PCNX4: variants seen among roughly 807,000 people sequenced by gnomAD.
PCNX4 encodes the protein pecanex 4.
A neutral mutation model predicts 107.2 loss-of-function variants in PCNX4; 103 were observed. The observed-to-expected ratio is 0.96, with a 90% CI of 0.82 to 1.13. PCNX4 has a LOEUF of 1.13. Among genes scored for constraint, PCNX4 ranks in the 50% most tolerant of loss-of-function variants. The pLI is 0.00. For missense variants in PCNX4, 1,528 were observed against 1,379.4 expected, an observed-to-expected ratio of 1.11 and a Z score of -1.71; for synonymous variants, 541 against 481.7, an observed-to-expected ratio of 1.12 and a Z score of -1.61.
At chr14:60,100,935 C>T (rs1448744952) in intron 1 of PCNX4, among the ~76,000 whole-genome samples, 1 of 152,092 alleles carries the variant, frequency 6.6e-6, no homozygotes, top group East Asian at 1.9e-4. Flanking sequence ...TTTCCAGATC[C>T]AAGAGATAAT....
At chr14:60,102,353 T>G (rs1004777788) in intron 1 of PCNX4, among the ~76,000 whole-genome samples, 1 of 152,172 alleles carries the variant, frequency 6.6e-6, no homozygotes, top group African/African-American at 2.4e-5. Context: ...CATCTCAAAA[T>G]TTTTTTGTTG....
At position 60,138,781 on chromosome 14, in the gene PCNX4, G is replaced by A. The variant is rs1399717603; in HGVS notation, c.*4560G>A. 2 of 152,068 alleles carry A rather than the reference G, an allele frequency of 1.3e-5. No individual in the cohort carries two copies. The highest frequency in any genetic ancestry group is 2.4e-5 in the African/African-American group (1 of 41,424). 9.4% of individuals were successfully genotyped at this position (152,068 alleles called of 1,614,324 possible). A position where few individuals can be genotyped will look rare whatever the true frequency, so the allele number is the denominator to read the frequency against. ...AAAGGTTAGAGATAAAGGTAGGAAT[G>A]AACAGTAATTTAAAAATATATATAT... On this transcript the variant is annotated 3_prime_UTR_variant, in exon 11 of 11. Coordinates refer to ENST00000406854, the MANE Select transcript of PCNX4 (RefSeq NM_001330177.2).
At chr14:60,101,707 A>G (rs1274115033) in intron 1 of PCNX4, among the ~76,000 whole-genome samples, 1 of 149,190 alleles carries the variant, frequency 6.7e-6, no homozygotes, top group Non-Finnish European at 1.5e-5. Context: ...TAAAAAAAAT[A>G]ATTAAAAAAA....
chr14:60,140,618 A>ACACACC lies in PCNX4; in HGVS notation c.*6398_*6399insACACCC, dbSNP rs1595185012. 2 of 151,390 alleles carry ACACACC rather than the reference A, an allele frequency of 1.3e-5. No individual in the cohort carries two copies. Among genetic ancestry groups the ACACACC allele is most frequent in the South Asian group, 2.1e-4 (1 of 4,786 alleles). The allele number at this position is 151,390 out of a possible 1,614,324, so 9.4% of individuals were successfully genotyped here. ...TACACACATACACACACACACACAC[A>ACACACC]CCCCTACACACACAGAATAATCACA... On this transcript the variant is annotated 3_prime_UTR_variant, in exon 11 of 11. Coordinates refer to ENST00000406854, the MANE Select transcript of PCNX4 (RefSeq NM_001330177.2). This position sits in a 1 kb window ranked among gnomAD's most constrained non-coding sequence, Gnocchi z 4.2.
chr14:60,134,156 G>T lies in PCNX4; in HGVS notation c.3454G>T (p.Ala1152Ser). Reference sequence around the variant, plus strand: ...ACTTTTAAGAAATCTTACGGTACAAGCAGCAGAACCTCCCCTGGGATATCC... The same window carrying T: ...ACTTTTAAGAAATCTTACGGTACAATCAGCAGAACCTCCCCTGGGATATCC... The part of the protein sequence containing the change: ...PLLLRNLTVQ[A>S]AEPPLGYPIY... Residue 1152 changes from alanine (A) to serine (S), a missense_variant, in exon 11 of 11, where the codon GCA (alanine) becomes TCA (serine). Transcript: ENST00000406854. 6.2e-7 allele frequency: 1 copy of T among 1,613,700 alleles called. No homozygotes were observed. Among genetic ancestry groups the T allele is most frequent in the Non-Finnish European group, 8.5e-7 (1 of 1,179,676 alleles).
rs1896438948 is a variant in PCNX4 at position 60,147,518 on chromosome 14, TAAAG to T, written c.*13301_*13304del. The T allele has an allele frequency of 6.6e-6, 1 of 152,214 alleles. No individual in the cohort carries two copies. Among genetic ancestry groups the T allele is most frequent in the South Asian group, 2.1e-4 (1 of 4,834 alleles). 9.4% of individuals were successfully genotyped at this position (152,214 alleles called of 1,614,324 possible). ...ATATATAATTTTTATGTGTCAATTATAAAGAAAATCTTTGATCATTAAGGAAGCT... is the reference window on the plus strand; with the variant it reads ...ATATATAATTTTTATGTGTCAATTATAAAATCTTTGATCATTAAGGAAGCT... On this transcript the variant is annotated 3_prime_UTR_variant, in exon 11 of 11. Coordinates refer to ENST00000406854, the MANE Select transcript of PCNX4 (RefSeq NM_001330177.2).
At chr14:60,129,707 AG>A (rs1896120353) in intron 10 of PCNX4, among the ~76,000 whole-genome samples, 1 of 152,374 alleles carries the variant, frequency 6.6e-6, no homozygotes, top group South Asian at 2.1e-4. Flanking sequence ...ACAGTGCCAC[AG>A]AAGGGAAGAA....
At chr14:60,119,609 T>C (rs982158152) in intron 7 of PCNX4, among the ~76,000 whole-genome samples, 1 of 137,796 alleles carries the variant, frequency 7.3e-6, no homozygotes, top group Non-Finnish European at 1.5e-5. Flanking sequence ...GAAAATAGTC[T>C]ATACTTACAA....
intron 1 of PCNX4, among the ~76,000 whole-genome samples, chr14:60,095,791 TA>T (rs886078149): frequency 2.1e-3 from 280 of 130,536 alleles, no homozygotes; most frequent in Middle Eastern, 3.8e-3. Context: ...CCATGAAGGT[TA>T]AAAAAAAAAA....
At chr14:60,103,816 G>A (rs80344445) in intron 1 of PCNX4, among the ~76,000 whole-genome samples, 2,454 of 152,268 alleles carry the variant, frequency 0.016, 83 homozygotes, top group East Asian at 0.15. Flanking sequence ...GAGAAACACA[G>A]CCATATTTCT....
intron 10 of PCNX4, among the ~76,000 whole-genome samples, chr14:60,131,787 T>C (rs1464304057): frequency 6.6e-6 from 1 of 152,162 alleles, no homozygotes; most frequent in African/African-American, 2.4e-5. Flanking sequence ...TACTTCCAAG[T>C]TTCAAAACTT....
intron 8 of PCNX4, among the ~76,000 whole-genome samples, 157 bp downstream of exon 8, chr14:60,121,456 A>G (rs1024195294): frequency 3.9e-5 from 6 of 152,268 alleles, no homozygotes; most frequent in Middle Eastern, 3.4e-3. Context: ...CAATAAGCAC[A>G]TGTTGATAGG....
chr14:60,102,650 A>G (rs907111758), intron 1 of PCNX4, among the ~76,000 whole-genome samples: 2 of 152,182 alleles, frequency 1.3e-5, no homozygotes, highest in Admixed American at 6.5e-5. Flanking sequence ...TTGTGATGTC[A>G]TCTTTATCCC....
intron 10 of PCNX4, among the ~76,000 whole-genome samples, chr14:60,129,368 A>G (rs766601300): frequency 1.3e-5 from 2 of 152,180 alleles, no homozygotes; most frequent in Admixed American, 6.5e-5. Flanking sequence ...AGTCCGGGCA[A>G]CATAGCAAGA....
At chr14:60,095,225 G>A (rs74465447) in intron 1 of PCNX4, among the ~76,000 whole-genome samples, 1 of 152,318 alleles carries the variant, frequency 6.6e-6, no homozygotes, top group Non-Finnish European at 1.5e-5. Context: ...AGTTATTTAT[G>A]CCTTTGGCTC....
Position 60,115,095 on chromosome 14 carries a change from G to T in PCNX4, c.991G>T (p.Asp331Tyr). The change falls in exon 4 of 11, where the codon GAT becomes TAT. Residue 331 changes from aspartate to tyrosine, a missense_variant. Asp to Tyr is a radical substitution (Grantham distance 160). Transcript: ENST00000406854. The part of the protein sequence containing the change: ...FGFLLSLNLS[D>Y]MGHKIGTKSK... ...TTTCTTGCTGAGTCTGAACTTAAGTGATATGGGTCACAAAATTGGAACCAA... is the reference window on the plus strand; with the variant it reads ...TTTCTTGCTGAGTCTGAACTTAAGTTATATGGGTCACAAAATTGGAACCAA... The T allele has an allele frequency of 6.2e-7, 1 of 1,613,826 alleles. No homozygotes were observed. Among genetic ancestry groups the T allele is most frequent in the East Asian group, 2.2e-5 (1 of 44,860 alleles).
At position 60,145,794 on chromosome 14, in the gene PCNX4, A is replaced by G. The variant is rs1896390638; in HGVS notation, c.*11573A>G. The G allele has an allele frequency of 6.6e-6, 1 of 152,174 alleles. No individual in the cohort carries two copies. Among genetic ancestry groups the G allele is most frequent in the Non-Finnish European group, 1.5e-5 (1 of 68,026 alleles). 9.4% of individuals were successfully genotyped at this position (152,174 alleles called of 1,614,324 possible). ...GTTTCTTTTCAGAAGATATGCATTT[A>G]CCACTTTCAAAACTTTGCACTAAGA... is the stretch of plus-strand genomic sequence containing the variant. On this transcript the variant is annotated 3_prime_UTR_variant, in exon 11 of 11. Coordinates refer to ENST00000406854, the MANE Select transcript of PCNX4 (RefSeq NM_001330177.2). This position sits in a 1 kb window ranked among gnomAD's most constrained non-coding sequence, Gnocchi z 4.0.
At chr14:60,121,340 C>G (rs1395721763) in intron 8 of PCNX4, 41 bp downstream of exon 8, 1 of 1,582,180 alleles carries the variant, frequency 6.3e-7, no homozygotes, top group East Asian at 2.3e-5. Context: ...TTTTATAGTT[C>G]ATGTGTAAAA....
intron 8 of PCNX4, among the ~76,000 whole-genome samples, chr14:60,123,557 C>G (rs1046170846): frequency 6.6e-6 from 1 of 152,046 alleles, no homozygotes; most frequent in African/African-American, 2.4e-5. Context: ...CCTGATACCT[C>G]CTTTTCAAGT....
Sources: allele counts gnomAD v4.1 joint callset (sites outside exome capture counted in the v4.1 genomes callset), GRCh38; gene constraint gnomAD v4.1.1; non-coding constraint Gnocchi (gnomAD v3.1); transcripts MANE v1.5; gene names NCBI Gene and HGNC (gene_info 2026-07-23, HGNC 2026-07-21).